ADGRL3: variants seen among roughly 807,000 people sequenced by gnomAD.
ADGRL3 encodes the protein adhesion G protein-coupled receptor L3, also known as calcium-independent alpha-latrotoxin receptor 3.
Under a neutral mutation model 153.5 loss-of-function variants are expected in ADGRL3, and 62 were observed. The observed-to-expected ratio is 0.40, with a 90% CI of 0.33 to 0.50. The LOEUF (loss-of-function observed/expected upper bound fraction) is 0.50, where lower values mean the gene tolerates loss of function less well. Ranked by LOEUF, ADGRL3 falls within the 20% of genes least tolerant of loss-of-function variation. The pLI, the probability that ADGRL3 is intolerant of heterozygous loss-of-function variation, is 0.47. For synonymous variants in ADGRL3, 710 were observed against 672.5 expected (o/e 1.06, Z -0.86); for missense variants, 1,641 against 1,859.4 (o/e 0.88, Z 2.16).
chr4:61,592,510 T>A (rs917771834), intron 5 of ADGRL3, among the ~76,000 whole-genome samples: 1 of 152,180 alleles, frequency 6.6e-6, no homozygotes, highest in Non-Finnish European at 1.5e-5. Context: ...TAAGGATTAC[T>A]GTCTGTGTGC....
intron 4 of ADGRL3, among the ~76,000 whole-genome samples, chr4:61,519,155 C>T (rs2098515315): frequency 6.6e-6 from 1 of 152,094 alleles, no homozygotes; most frequent in Non-Finnish European, 1.5e-5. Context: ...TGGAAACTCT[C>T]TCTTCTGACA....
At chr4:62,060,844 G>A (rs552287711) in intron 25 of ADGRL3, among the ~76,000 whole-genome samples, 1 of 151,868 alleles carries the variant, frequency 6.6e-6, no homozygotes, top group South Asian at 2.1e-4. Context: ...TTGAAAATCT[G>A]CCATTGCACT....
chr4:61,499,935 C>T (rs2098365334), intron 3 of ADGRL3, among the ~76,000 whole-genome samples: 1 of 150,652 alleles, frequency 6.6e-6, no homozygotes, highest in Admixed American at 6.6e-5. Flanking sequence ...AGCCATGGGT[C>T]TTGGGTCTTG....
intron 5 of ADGRL3, among the ~76,000 whole-genome samples, chr4:61,619,788 T>C (rs2092364676): frequency 6.6e-6 from 1 of 152,200 alleles, no homozygotes; most frequent in Admixed American, 6.5e-5. Flanking sequence ...ACTGATCTCA[T>C]GTTTTTCTTT....
chr4:61,400,873 G>A (rs1023295785), intron 2 of ADGRL3, among the ~76,000 whole-genome samples: 7 of 150,576 alleles, frequency 4.6e-5, no homozygotes, highest in African/African-American at 1.7e-4. Context: ...TTGCTTAATG[G>A]TATGTCACGT....
At chr4:61,734,266 G>A (rs749408799) in intron 8 of ADGRL3, among the ~76,000 whole-genome samples, 13 of 149,846 alleles carry the variant, frequency 8.7e-5, no homozygotes, top group Non-Finnish European at 1.5e-4. Flanking sequence ...TCATTTTTAT[G>A]TACTCAACTG....
chr4:61,670,982 A>G (rs1347432099), intron 5 of ADGRL3, among the ~76,000 whole-genome samples: 3 of 152,148 alleles, frequency 2.0e-5, no homozygotes, highest in African/African-American at 7.2e-5. Context: ...TATAACAGGA[A>G]GTTCTTAACC....
In ADGRL3 at chr4:62,076,180, AAGTC is replaced by A. The variant is rs1341962011; in HGVS notation, c.*5275_*5278del. On this transcript the variant is annotated 3_prime_UTR_variant, in exon 27 of 27. Transcript: ENST00000683033. The stretch of plus-strand genomic sequence containing the variant: ...CTTCTTTATTTAAAAAAAAATTTAA[AAGTC>A]AGCACTTCTTTCACATCTAGCACCT... The A allele has an allele frequency of 6.6e-6, 1 of 152,242 alleles. No individual in the cohort carries two copies. The highest frequency in any genetic ancestry group is 2.4e-5 in the African/African-American group (1 of 41,570). 9.4% of individuals were successfully genotyped at this position (152,242 alleles called of 1,614,324 possible). A position where few individuals can be genotyped will look rare whatever the true frequency, so the allele number is the denominator to read the frequency against.
rs560869030 is a variant in ADGRL3, at chr4:61,334,561, G to A, written c.-239-48563G>A. Among the ~76,000 whole-genome samples the A allele has an allele frequency of 3.3e-5, 5 of 152,172 alleles. No homozygotes were observed. The East Asian group carries it at 9.7e-4, about 30-fold the overall frequency. ...TGGGGCAACTCTCCTTTTCTGATATGAACTGTGATCAGTTCCCACAGGTCT... is the reference window on the plus strand; with the variant it reads ...TGGGGCAACTCTCCTTTTCTGATATAAACTGTGATCAGTTCCCACAGGTCT... On this transcript the variant is annotated intron_variant, in intron 1 of 26. Transcript: ENST00000683033.
At chr4:61,838,837 A>C (rs2097978293) in intron 9 of ADGRL3, among the ~76,000 whole-genome samples, 3 of 152,212 alleles carry the variant, frequency 2.0e-5, no homozygotes, top group South Asian at 2.1e-4. Context: ...ATTTAATAAA[A>C]TATGAAAGGC....
intron 1 of ADGRL3, among the ~76,000 whole-genome samples, chr4:61,215,657 T>A (rs1742369691): frequency 6.8e-6 from 1 of 147,494 alleles, no homozygotes; most frequent in Non-Finnish European, 1.5e-5. Context: ...GTTCACGCCA[T>A]TCTCCTGCCT....
At chr4:61,299,983 C>A (rs967688082) in intron 1 of ADGRL3, among the ~76,000 whole-genome samples, 7 of 152,176 alleles carry the variant, frequency 4.6e-5, no homozygotes, top group East Asian at 1.9e-4. Context: ...TTTTTATAGA[C>A]AAGCCATAGC....
intron 1 of ADGRL3, among the ~76,000 whole-genome samples, chr4:61,295,097 T>C (rs1363529748): frequency 6.6e-6 from 1 of 152,146 alleles, no homozygotes; most frequent in East Asian, 1.9e-4. Flanking sequence ...TTGTCCTGCT[T>C]TGTCCCTCCT....
intron 1 of ADGRL3, among the ~76,000 whole-genome samples, chr4:61,293,304 A>G (rs2150197027): frequency 6.6e-6 from 1 of 152,270 alleles, no homozygotes; most frequent in South Asian, 2.1e-4. Context: ...ACCACAGCCT[A>G]TTGATAGGGT....
intron 13 of ADGRL3, among the ~76,000 whole-genome samples, chr4:61,931,430 A>T (rs967590181): frequency 1.1e-4 from 16 of 152,174 alleles, no homozygotes; most frequent in African/African-American, 3.4e-4. Context: ...AGCACTTGTT[A>T]TGAGCCAGAA....
At chr4:61,905,417 G>A (rs2098690572) in intron 11 of ADGRL3, among the ~76,000 whole-genome samples, 1 of 152,044 alleles carries the variant, frequency 6.6e-6, no homozygotes, top group African/African-American at 2.4e-5. Context: ...ACACTTAAAA[G>A]TACATTCATG....
intron 4 of ADGRL3, among the ~76,000 whole-genome samples, chr4:61,537,594 CTT>C (rs1488253506): frequency 1.3e-5 from 2 of 151,524 alleles, no homozygotes; most frequent in Non-Finnish European, 2.9e-5. Flanking sequence ...TATTTTTTGT[CTT>C]AATTCAAAAG....
At chr4:61,898,861 C>T (rs1207380291) in intron 11 of ADGRL3, among the ~76,000 whole-genome samples, 3 of 152,096 alleles carry the variant, frequency 2.0e-5, no homozygotes, top group South Asian at 2.1e-4. Flanking sequence ...AGGCAATCTG[C>T]CTGTCATAGC....
intron 6 of ADGRL3, among the ~76,000 whole-genome samples, chr4:61,692,503 C>G (rs1362889612): frequency 5.3e-5 from 8 of 150,652 alleles, no homozygotes; most frequent in Non-Finnish European, 3.0e-5. Flanking sequence ...TGTGCAATGG[C>G]CTAATACCAG....
Sources: gnomAD v4.1 joint callset for allele counts (sites outside exome capture counted in the v4.1 genomes callset) on GRCh38, gnomAD v4.1.1 for gene constraint, MANE v1.5 for transcripts, NCBI Gene and HGNC (gene_info 2026-07-23, HGNC 2026-07-21) for gene names.